CAMK2B: variants seen among roughly 807,000 people sequenced by gnomAD.
CAMK2B encodes calcium/calmodulin-dependent protein kinase type II subunit beta.
Under a neutral mutation model 93.7 loss-of-function variants are expected in CAMK2B, and 27 were observed. The observed-to-expected ratio is 0.29, with a 90% CI of 0.21 to 0.40. The LOEUF (loss-of-function observed/expected upper bound fraction) is 0.40. Among genes scored for constraint, CAMK2B ranks in the 10% least tolerant of loss-of-function variants. The pLI is 1.00. For missense variants in CAMK2B, 568 were observed against 895.8 expected (o/e 0.63, Z 4.67); for synonymous variants, 374 against 358.8 (o/e 1.04, Z -0.48).
At chr7:44,315,105 T>G (rs1794545424) in intron 1 of CAMK2B, among the ~76,000 whole-genome samples, 1 of 152,238 alleles carries the variant, frequency 6.6e-6, no homozygotes, top group Non-Finnish European at 1.5e-5. Context: ...AAAACTATTT[T>G]TCTTTCGTTG....
Position 44,220,725 on chromosome 7 carries a change from C to A in CAMK2B, c.1674-15G>T. On this transcript the variant is annotated splice_polypyrimidine_tract_variant and intron_variant, in intron 21 of 23. Coordinates refer to ENST00000395749, the MANE Select transcript of CAMK2B (RefSeq NM_001220.5). ...CACAGATTTTCCTGGGGGCCAAATC[C>A]AAGTGAGGAGGGGCCCCGTGGACCC... The A allele has an allele frequency of 1.2e-6, 2 of 1,605,040 alleles. No homozygotes were observed. The highest frequency in any genetic ancestry group is 1.7e-6 in the Non-Finnish European group (2 of 1,175,594).
chr7:44,239,489 C>T (rs562175757), intron 13 of CAMK2B, 100 bp downstream of exon 13: 77 of 1,109,052 alleles, frequency 6.9e-5, no homozygotes, highest in Non-Finnish European at 7.6e-5. Flanking sequence ...GCCTCTGGGG[C>T]GGCTCTGGAG....
chr7:44,232,155 G>A (rs781762271), intron 16 of CAMK2B, among the ~76,000 whole-genome samples: 3 of 152,116 alleles, frequency 2.0e-5, no homozygotes, highest in Admixed American at 2.0e-4. Context: ...GATGGGCTGG[G>A]TGGTGGCACT....
At chr7:44,234,823 T>C in intron 13 of CAMK2B, 147 bp from the exon 14 acceptor site, 1 of 801,128 alleles carries the variant, frequency 1.2e-6, no homozygotes, top group Admixed American at 2.1e-5. Context: ...CCAGGCTGGC[T>C]CTGAGCAGGT....
intron 1 of CAMK2B, chr7:44,324,994 G>A (rs1261544627): frequency 6.6e-6 from 1 of 151,582 alleles, no homozygotes; most frequent in Non-Finnish European, 1.5e-5. Flanking sequence ...CTCCAGGCCC[G>A]GGGGCCACCC....
intron 2 of CAMK2B, among the ~76,000 whole-genome samples, chr7:44,268,397 G>A (rs1002084305): frequency 7.9e-5 from 12 of 152,186 alleles, no homozygotes; most frequent in Non-Finnish European, 2.9e-5. Flanking sequence ...CGACATCACA[G>A]AGGAAGGGGA....
chr7:44,242,679 G>C (rs747105542), intron 8 of CAMK2B, 25 bp from the exon 9 acceptor site: 1 of 1,499,788 alleles, frequency 6.7e-7, no homozygotes. Context: ...TGTGAGCACC[G>C]CAGCCACTTG....
intron 2 of CAMK2B, among the ~76,000 whole-genome samples, chr7:44,276,514 C>T (rs377446429): frequency 1.3e-5 from 2 of 152,134 alleles, no homozygotes; most frequent in Admixed American, 6.5e-5. Context: ...CCCTGGGGTG[C>T]GGGCTCAGCC....
At chr7:44,307,858 A>G (rs1010612741) in intron 1 of CAMK2B, among the ~76,000 whole-genome samples, 7 of 152,078 alleles carry the variant, frequency 4.6e-5, no homozygotes, top group Non-Finnish European at 8.8e-5. Context: ...CCGTACTTCA[A>G]CTGGGGTTTT....
chr7:44,224,371 G>A lies in CAMK2B; in HGVS notation c.1597+2145C>T, dbSNP rs1364661741. Among the ~76,000 whole-genome samples the A allele has an allele frequency of 2.0e-5, 3 of 152,236 alleles. No homozygotes were observed. The highest frequency in any genetic ancestry group is 4.4e-5 in the Non-Finnish European group (3 of 68,038). ...TCCCTGATGGAGGGAAAGGAGGGGG[G>A]CCCAACATGAAGAGGTGCCCGGGTC... On this transcript the variant is annotated intron_variant, in intron 20 of 23. Coordinates refer to ENST00000395749, the MANE Select transcript of CAMK2B (RefSeq NM_001220.5). The surrounding 1 kb of genome is among the most constrained non-coding windows in gnomAD (Gnocchi z 4.4).
chr7:44,288,481 C>T lies in CAMK2B; in HGVS notation c.66-4256G>A, dbSNP rs765183339. Among the ~76,000 whole-genome samples the T allele has an allele frequency of 5.3e-5, 8 of 152,156 alleles. No homozygotes were observed. In the South Asian group the frequency reaches 8.3e-4, roughly 16 times the overall value. ...CCCAGGTCGCTGTTCCTGTGGGCTG[C>T]GAATTGCATCTAGACATCAAGGTTG... On this transcript the variant is annotated intron_variant, in intron 1 of 23. Transcript: ENST00000395749.
intron 5 of CAMK2B, among the ~76,000 whole-genome samples, chr7:44,251,774 C>T (rs568330118): frequency 6.6e-6 from 1 of 152,332 alleles, no homozygotes; most frequent in African/African-American, 2.4e-5. Flanking sequence ...CATCGGGAGT[C>T]CTGTGAGAGG....
At chr7:44,300,491 A>C (rs994566722) in intron 1 of CAMK2B, among the ~76,000 whole-genome samples, 15 of 152,188 alleles carry the variant, frequency 9.9e-5, no homozygotes, top group East Asian at 3.8e-4. Flanking sequence ...TCAGAAAAAA[A>C]AAAACAAAAC....
At chr7:44,241,018 G>C (rs1254669688) in intron 11 of CAMK2B, among the ~76,000 whole-genome samples, 1 of 152,184 alleles carries the variant, frequency 6.6e-6, no homozygotes, top group African/African-American at 2.4e-5. Flanking sequence ...TCAAGCCTCA[G>C]GGGTCACCAG....
chr7:44,225,881 G>A lies in CAMK2B; in HGVS notation c.1597+635C>T. 1 of 1,289,304 alleles carries A rather than the reference G, an allele frequency of 7.8e-7. No individual in the cohort carries two copies. The highest frequency in any genetic ancestry group is 1.0e-6 in the Non-Finnish European group (1 of 988,696). The allele number at this position is 1,289,304 out of a possible 1,614,324, so 79.9% of individuals were successfully genotyped here. A position where few individuals can be genotyped will look rare whatever the true frequency, so the allele number is the denominator to read the frequency against. ...GTGGGGGTGGCAGCAGCCCTGGGATGTCATCCATCCCTGTAAGTGATACTG... is the reference window on the plus strand; with the variant it reads ...GTGGGGGTGGCAGCAGCCCTGGGATATCATCCATCCCTGTAAGTGATACTG... On this transcript the variant is annotated intron_variant, in intron 20 of 23. Transcript: ENST00000395749. The surrounding 1 kb of genome is among the most constrained non-coding windows in gnomAD (Gnocchi z 5.0).
intron 5 of CAMK2B, among the ~76,000 whole-genome samples, chr7:44,252,508 T>G: frequency 4.0e-5 from 2 of 50,328 alleles, no homozygotes; most frequent in Admixed American, 2.6e-4. Flanking sequence ...AGGGTGGGAG[T>G]GAGGGGCCTG....
chr7:44,219,290 T>TG lies in CAMK2B; in HGVS notation c.*234_*235insC, dbSNP rs374273765. 3.4e-4 allele frequency: 51 copies of TG among 150,740 alleles called. 1 individual carries two copies. The highest frequency in any genetic ancestry group is 1.0e-3 in the African/African-American group (42 of 41,164). 9.3% of individuals were successfully genotyped at this position (150,740 alleles called of 1,614,324 possible). A position where few individuals can be genotyped will look rare whatever the true frequency, so the allele number is the denominator to read the frequency against. The stretch of plus-strand genomic sequence containing the variant: ...CTTCCTTTAGTTTTTTTTGTTTTTT[T>TG]TTTTTTTCATTTCATCTGATGTCAA... On this transcript the variant is annotated 3_prime_UTR_variant, in exon 24 of 24. Transcript: ENST00000395749.
Position 44,250,590 on chromosome 7 carries a change from C to T in CAMK2B, c.342-3398G>A, listed in dbSNP as rs934224431. 4.2e-5 allele frequency among the ~76,000 whole-genome samples: 6 copies of T among 142,644 alleles called. No individual in the cohort carries two copies. The South Asian group carries it at 8.8e-4, about 21-fold the overall frequency. 93.6% of individuals were successfully genotyped at this position (142,644 alleles called of 152,430 possible). A position where few individuals can be genotyped will look rare whatever the true frequency, so the allele number is the denominator to read the frequency against. On this transcript the variant is annotated intron_variant, in intron 5 of 23. Coordinates refer to ENST00000395749, the MANE Select transcript of CAMK2B (RefSeq NM_001220.5). Reference sequence around the variant, plus strand: ...TGTCACCCAGGCTGGAGTGCAGTGGCGCGAACTCGGCTCACTGCAACCTCC... The same window carrying T: ...TGTCACCCAGGCTGGAGTGCAGTGGTGCGAACTCGGCTCACTGCAACCTCC...
intron 1 of CAMK2B, among the ~76,000 whole-genome samples, chr7:44,297,511 T>A (rs1788615365): frequency 6.6e-6 from 1 of 152,226 alleles, no homozygotes. Flanking sequence ...TCACTTTAAA[T>A]GTCAATGGCT....
Sources: gnomAD v4.1 joint callset for allele counts (sites outside exome capture counted in the v4.1 genomes callset) on GRCh38, gnomAD v4.1.1 for gene constraint, Gnocchi (gnomAD v3.1) non-coding constraint, MANE v1.5 for transcripts, NCBI Gene and HGNC (gene_info 2026-07-23, HGNC 2026-07-21) for gene names.